The following PI4KA variants were observed in gnomAD, a reference collection of about 807,000 sequenced individuals.
The protein encoded by PI4KA is PI4-kinase alpha.
Under a neutral mutation model 271.4 loss-of-function variants are expected in PI4KA, and 122 were observed. The observed-to-expected ratio is 0.45, with a 90% confidence interval of 0.39 to 0.52. The LOEUF (loss-of-function observed/expected upper bound fraction) is 0.52. Among genes scored for constraint, PI4KA ranks in the 20% least tolerant of loss-of-function variants. The pLI, the probability that PI4KA is intolerant of heterozygous loss-of-function variation, is 0.00. For synonymous variants in PI4KA, 1,041 were observed against 1,078.8 expected, an observed-to-expected ratio of 0.96 and a Z score of 0.69; for missense variants, 1,969 against 2,769.1, an observed-to-expected ratio of 0.71 and a Z score of 6.48.
intron 19 of PI4KA, among the ~76,000 whole-genome samples, chr22:20,791,828 C>T (rs1212349727): frequency 2.0e-5 from 3 of 152,086 alleles, no homozygotes; most frequent in South Asian, 2.1e-4. Context: ...AGGCCGGGCG[C>T]GGCAGCTCAT....
In PI4KA at chr22:20,776,254, G is replaced by T. The variant is rs140916038; in HGVS notation, c.2329-10561C>A. ...TGGGAGGGTCTCTTGAGCCTGAGAG[G>T]AACAGGTGGCAGTGAACCAATATTG... On this transcript the variant is annotated intron_variant, in intron 19 of 54. Transcript: ENST00000255882. Among the ~76,000 whole-genome samples, 212 of 152,218 alleles carry T rather than the reference G, an allele frequency of 1.4e-3. 4 individuals carry two copies. In the East Asian group the frequency reaches 0.039, roughly 28 times the overall value.
intron 36 of PI4KA, among the ~76,000 whole-genome samples, chr22:20,730,560 C>A (rs955026618): frequency 3.3e-5 from 5 of 149,398 alleles, no homozygotes; most frequent in African/African-American, 1.2e-4. Flanking sequence ...CAGGAGTGAG[C>A]CACTGTGCCC....
In PI4KA at chr22:20,718,752, G is replaced by C. The variant is rs201272315; in HGVS notation, c.5187C>G (p.Asp1729Glu). 58 of 1,613,920 alleles carry C rather than the reference G, an allele frequency of 3.6e-5. No homozygotes were observed. The highest frequency in any genetic ancestry group is 4.2e-5 in the Non-Finnish European group (49 of 1,179,964). ...AGAAATCAAACTCCCGCTGGTAAAA[G>C]TCCTTCGCTGGGCCGGACAAGGAGC... Reference protein sequence around the residue: ...ITGSLSGPAKDFYQREFDFFN... With the variant: ...ITGSLSGPAKEFYQREFDFFN... The change falls in exon 44 of 55, where the codon GAC becomes GAG. Residue 1729 changes from aspartate (D) to glutamate (E), a missense_variant. Asp to Glu is a conservative substitution (Grantham distance 45). Transcript: ENST00000255882.
intron 22 of PI4KA, 50 bp downstream of exon 22, chr22:20,764,767 C>A: frequency 6.5e-7 from 1 of 1,532,298 alleles, no homozygotes; most frequent in Non-Finnish European, 8.8e-7. Context: ...AAAATGAAAA[C>A]CCTGCTCAAA....
At chr22:20,740,452 G>A (rs1929292632) in intron 32 of PI4KA, among the ~76,000 whole-genome samples, 2 of 116,218 alleles carry the variant, frequency 1.7e-5, no homozygotes, top group Non-Finnish European at 1.8e-5. Flanking sequence ...TAAGAGCCTA[G>A]GAAGTAAAAA....
chr22:20,777,841 A>G (rs770105548), intron 19 of PI4KA, among the ~76,000 whole-genome samples: 8 of 152,222 alleles, frequency 5.3e-5, no homozygotes, highest in Non-Finnish European at 1.2e-4. Flanking sequence ...CAGATTTGAC[A>G]GGCCAAGTCA....
intron 7 of PI4KA, among the ~76,000 whole-genome samples, chr22:20,814,561 G>C (rs1214979612): frequency 2.0e-5 from 3 of 152,008 alleles, no homozygotes; most frequent in African/African-American, 4.8e-5. Context: ...ACCAGCCTGG[G>C]CAATATAGGG....
intron 45 of PI4KA, 73 bp from the exon 46 acceptor site, chr22:20,714,773 G>C: frequency 6.5e-7 from 1 of 1,532,760 alleles, no homozygotes; most frequent in Middle Eastern, 2.2e-4. Context: ...TTTCCAACAC[G>C]GATGTTACAT....
In PI4KA at chr22:20,713,401, G is replaced by C. The variant is rs1460812583; in HGVS notation, c.5462-11C>G. The C allele has an allele frequency of 3.8e-6, 6 of 1,560,034 alleles. No individual in the cohort carries two copies. The highest frequency in any genetic ancestry group is 5.2e-6 in the Non-Finnish European group (6 of 1,149,792). On this transcript the variant is annotated splice_polypyrimidine_tract_variant and intron_variant, in intron 47 of 54. Transcript: ENST00000255882. ...AGCGGCACCGCAGACCTGCCCGCAGGGAGAGAGGCCGCTGTTAGCCTGTAG... is the reference window on the plus strand; with the variant it reads ...AGCGGCACCGCAGACCTGCCCGCAGCGAGAGAGGCCGCTGTTAGCCTGTAG...
chr22:20,711,048 G>A (rs1925209654), intron 51 of PI4KA, 190 bp from the exon 52 acceptor site: 3 of 606,878 alleles, frequency 4.9e-6, no homozygotes, highest in Middle Eastern at 4.4e-4. Flanking sequence ...GAGAAGGGAG[G>A]AAGTGGAGGA....
chr22:20,829,213 T>C (rs1923838421), intron 3 of PI4KA, among the ~76,000 whole-genome samples: 1 of 152,200 alleles, frequency 6.6e-6, no homozygotes. Context: ...TTTTTTGTAA[T>C]AGTTTCAGTA....
At chr22:20,759,360 A>C (rs1282612026) in intron 23 of PI4KA, among the ~76,000 whole-genome samples, 1 of 151,778 alleles carries the variant, frequency 6.6e-6, no homozygotes, top group African/African-American at 2.4e-5. Context: ...GATTTTTAAA[A>C]AACATTTCTT....
At chr22:20,748,436 C>G (rs188253819) in intron 28 of PI4KA, among the ~76,000 whole-genome samples, 1 of 152,182 alleles carries the variant, frequency 6.6e-6, no homozygotes, top group Admixed American at 6.5e-5. Flanking sequence ...ACAGCAGGAA[C>G]GAAGAACAAC....
chr22:20,722,341 C>A (rs9612798), intron 42 of PI4KA, among the ~76,000 whole-genome samples: 4 of 152,112 alleles, frequency 2.6e-5, no homozygotes, highest in Non-Finnish European at 5.9e-5. Flanking sequence ...CGCACACCAC[C>A]ACATCTGGCT....
intron 1 of PI4KA, among the ~76,000 whole-genome samples, chr22:20,854,648 CTT>C (rs1256601972): frequency 6.6e-6 from 1 of 152,134 alleles, no homozygotes; most frequent in East Asian, 1.9e-4. Flanking sequence ...GTTCTGCAAA[CTT>C]AGCCTTCGCC....
chr22:20,852,747 G>T (rs1171814006), intron 1 of PI4KA, among the ~76,000 whole-genome samples: 2 of 152,034 alleles, frequency 1.3e-5, no homozygotes, highest in African/African-American at 2.4e-5. Flanking sequence ...CTGGAAAAAC[G>T]CCAACACTAT....
chr22:20,847,448 G>C (rs748934528), intron 1 of PI4KA, among the ~76,000 whole-genome samples: 30 of 152,258 alleles, frequency 2.0e-4, no homozygotes, highest in Admixed American at 3.9e-4. Context: ...CAGGAGGCTG[G>C]GTGCAGTGGC....
chr22:20,855,103 G>T (rs867997223), intron 1 of PI4KA, among the ~76,000 whole-genome samples: 3 of 148,648 alleles, frequency 2.0e-5, no homozygotes, highest in Non-Finnish European at 4.4e-5. Context: ...AGTGAACCGA[G>T]ATCATGCCAC....
At chr22:20,784,155 T>C (rs913893598) in intron 19 of PI4KA, 9 of 1,614,056 alleles carry the variant, frequency 5.6e-6, no homozygotes, top group Non-Finnish European at 7.6e-6. Context: ...ATGCTAATTG[T>C]GGTCCCACAC....
Sources: gnomAD v4.1 joint callset for allele counts (sites outside exome capture counted in the v4.1 genomes callset) on GRCh38, gnomAD v4.1.1 for gene constraint, MANE v1.5 for transcripts, NCBI Gene and HGNC (gene_info 2026-07-23, HGNC 2026-07-21) for gene names.